Variants in MEP1A observed in about 807,000 individuals in gnomAD.
MEP1A encodes N-benzoyl-L-tyrosyl-P-amino-benzoic acid hydrolase subunit alpha.
In MEP1A, 68 loss-of-function variants were observed where a neutral mutation model predicts 84.5. The ratio of observed to expected loss-of-function variants is 0.80; its 90% CI spans 0.66 to 0.98. MEP1A has a LOEUF of 0.98. Among genes scored for constraint, MEP1A ranks in the 50% least tolerant of loss-of-function variants. The probability of loss-of-function intolerance (pLI) is 0.00; values close to 1 mark genes in which losing one functional copy is unlikely to be tolerated. For synonymous variants in MEP1A, 337 were observed against 336.8 expected, an observed-to-expected ratio of 1.00 and a Z score of -0.01; for missense variants, 887 against 919.9, an observed-to-expected ratio of 0.96 and a Z score of 0.46.
At chr6:46,823,340 G>A (rs1162891704) in intron 7 of MEP1A, among the ~76,000 whole-genome samples, 1 of 152,172 alleles carries the variant, frequency 6.6e-6, no homozygotes, top group African/African-American at 2.4e-5. Context: ...GGCCAGGCAC[G>A]GTGGCTCATG....
At chr6:46,824,770 T>TATATATTTAATTAG (rs1562113410) in intron 7 of MEP1A, among the ~76,000 whole-genome samples, 1 of 46,504 alleles carries the variant, frequency 2.2e-5, no homozygotes, top group African/African-American at 9.2e-5. Flanking sequence ...ATATATAAAT[T>TATATATTTAATTAG]ATGTATTTAA....
chr6:46,835,697 G>A (rs1303205900), intron 13 of MEP1A, 148 bp downstream of exon 13: 13 of 875,818 alleles, frequency 1.5e-5, no homozygotes, highest in Non-Finnish European at 2.1e-5. Flanking sequence ...CTACAAAGGT[G>A]TGCCCTGGAT....
At chr6:46,798,290 T>G (rs564399841) in intron 3 of MEP1A, among the ~76,000 whole-genome samples, 15 of 152,254 alleles carry the variant, frequency 9.9e-5, no homozygotes, top group Admixed American at 2.6e-4. Context: ...GTTTTCATCC[T>G]CCTTATCAGT....
intron 6 of MEP1A, among the ~76,000 whole-genome samples, chr6:46,814,630 C>T (rs190139429): frequency 5.5e-4 from 83 of 152,264 alleles, no homozygotes; most frequent in African/African-American, 1.9e-3. Context: ...CTTGTTTTGA[C>T]ATATCACCAG....
chr6:46,843,974 T>G (rs980494079), downstream of MEP1A, among the ~76,000 whole-genome samples: 2 of 152,242 alleles, frequency 1.3e-5, no homozygotes, highest in Admixed American at 1.3e-4. Context: ...CTATAAAATG[T>G]AGGCTAATCT....
At chr6:46,844,869 G>A in the MEP1A span, among the ~76,000 whole-genome samples, 1 of 152,192 alleles carries the variant, frequency 6.6e-6, no homozygotes, top group African/African-American at 2.4e-5. Context: ...TGTGGAGGGA[G>A]GGAACTGGTG....
chr6:46,809,978 C>T (rs868424184), intron 6 of MEP1A, among the ~76,000 whole-genome samples: 1 of 151,868 alleles, frequency 6.6e-6, no homozygotes, highest in South Asian at 2.1e-4. Context: ...GGGTAGATAC[C>T]TAGTAGTGGG....
chr6:46,835,409 C>T lies in MEP1A; in HGVS notation c.1944C>T (p.Pro648=), dbSNP rs756955844. Residue 648 remains proline, a synonymous_variant, in exon 13 of 14, where the codon CCC becomes CCT. Coordinates refer to ENST00000230588, the MANE Select transcript of MEP1A (RefSeq NM_005588.3). Reference sequence around the variant, plus strand: ...CTGTCAGCCTGAGCCAGGGGCAGCCCAGCCGACAGAAGCGGTCGGTGGAGA... The same window carrying T: ...CTGTCAGCCTGAGCCAGGGGCAGCCTAGCCGACAGAAGCGGTCGGTGGAGA... The part of the protein sequence containing the change: ...ALPVSLSQGQ[P]SRQKRSVENT... The T allele has an allele frequency of 3.1e-6, 5 of 1,612,428 alleles. No homozygotes were observed. In the South Asian group the frequency reaches 3.3e-5, roughly 11 times the overall value.
intron 9 of MEP1A, among the ~76,000 whole-genome samples, 194 bp from the exon 10 acceptor site, chr6:46,829,162 C>T (rs2150754480): frequency 6.6e-6 from 1 of 152,332 alleles, no homozygotes; most frequent in Non-Finnish European, 1.5e-5. Flanking sequence ...GGAGAGCAAG[C>T]TTTAGCCAGT....
At chr6:46,827,366 C>CA (rs765131822) in intron 9 of MEP1A, among the ~76,000 whole-genome samples, 15 of 152,212 alleles carry the variant, frequency 9.9e-5, no homozygotes, top group Non-Finnish European at 1.9e-4. Context: ...CCAGCAGCTT[C>CA]ACTCCCCATT....
At chr6:46,824,430 A>G (rs1421802710) in intron 7 of MEP1A, among the ~76,000 whole-genome samples, 4 of 146,592 alleles carry the variant, frequency 2.7e-5, no homozygotes, top group African/African-American at 9.9e-5. Flanking sequence ...ATTAACTAAT[A>G]TTAATAATGA....
At chr6:46,832,249 G>A (rs1317572596) in intron 10 of MEP1A, among the ~76,000 whole-genome samples, 1 of 152,138 alleles carries the variant, frequency 6.6e-6, no homozygotes, top group East Asian at 1.9e-4. Context: ...AAATATCAGT[G>A]TAGGCACATC....
intron 13 of MEP1A, among the ~76,000 whole-genome samples, chr6:46,836,057 G>A (rs1227765403): frequency 6.6e-6 from 1 of 152,134 alleles, no homozygotes; most frequent in Non-Finnish European, 1.5e-5. Flanking sequence ...GTAGTCTCCT[G>A]AGCATCTTAC....
chr6:46,818,832 A>G (rs1767699507), intron 6 of MEP1A, among the ~76,000 whole-genome samples: 1 of 152,188 alleles, frequency 6.6e-6, no homozygotes, highest in Non-Finnish European at 1.5e-5. Context: ...AAAATTTATT[A>G]AAGTATAAAA....
At chr6:46,839,813 G>T (rs1768301830), downstream of MEP1A, 1 of 152,094 alleles carries the variant, frequency 6.6e-6, no homozygotes, top group Non-Finnish European at 1.5e-5. Flanking sequence ...ATAAGTGTGG[G>T]TGTGCATGTG....
chr6:46,839,205 A>G lies in MEP1A; in HGVS notation c.*69A>G. On this transcript the variant is annotated 3_prime_UTR_variant, in exon 14 of 14. Coordinates refer to ENST00000230588, the MANE Select transcript of MEP1A (RefSeq NM_005588.3). ...TGCAGGCCTTAACTTTCCCATGGTCAATGCAGTTTTTATCAGCCTTGCTTT... is the reference window on the plus strand; with the variant it reads ...TGCAGGCCTTAACTTTCCCATGGTCGATGCAGTTTTTATCAGCCTTGCTTT... The G allele has an allele frequency of 1.9e-6, 2 of 1,053,988 alleles. No individual in the cohort carries two copies. The highest frequency in any genetic ancestry group is 6.1e-5 in the East Asian group (2 of 32,582). The allele number at this position is 1,053,988 out of a possible 1,614,324, so 65.3% of individuals were successfully genotyped here.
At chr6:46,816,352 C>T (rs912555793) in intron 6 of MEP1A, among the ~76,000 whole-genome samples, 1 of 152,052 alleles carries the variant, frequency 6.6e-6, no homozygotes, top group Non-Finnish European at 1.5e-5. Context: ...GGTCTTAGCC[C>T]TCAGCAGGCT....
At chr6:46,833,044 G>T in intron 10 of MEP1A, 30 bp from the exon 11 acceptor site, 1 of 1,319,636 alleles carries the variant, frequency 7.6e-7, no homozygotes, top group Non-Finnish European at 1.0e-6. Flanking sequence ...GTTGGTCACA[G>T]TTCTCACCAG....
intron 10 of MEP1A, among the ~76,000 whole-genome samples, chr6:46,830,548 A>C (rs889826012): frequency 2.0e-5 from 3 of 152,230 alleles, no homozygotes; most frequent in African/African-American, 7.2e-5. Context: ...AACCACCACC[A>C]TAACAAAAGA....
Sources: gnomAD v4.1 joint callset for allele counts (sites outside exome capture counted in the v4.1 genomes callset) on GRCh38, gnomAD v4.1.1 for gene constraint, MANE v1.5 for transcripts, NCBI Gene and HGNC (gene_info 2026-07-23, HGNC 2026-07-21) for gene names.